EIF3L: variants seen among roughly 807,000 people sequenced by gnomAD.
EIF3L encodes eukaryotic translation initiation factor 3 subunit L, also known as eIEF associated protein HSPC021.
A neutral mutation model predicts 74.6 loss-of-function variants in EIF3L; 32 were observed. That is an observed-to-expected ratio of 0.43 (90% confidence interval 0.32 to 0.58). The LOEUF (loss-of-function observed/expected upper bound fraction) is 0.58, where lower values mean the gene tolerates loss of function less well. Among genes scored for constraint, EIF3L ranks in the 20% least tolerant of loss-of-function variants. The pLI, the probability that EIF3L is intolerant of heterozygous loss-of-function variation, is 0.06. For missense variants in EIF3L, 474 were observed against 707.8 expected, an observed-to-expected ratio of 0.67 and a Z score of 3.75; for synonymous variants, 256 against 254.4, an observed-to-expected ratio of 1.01 and a Z score of -0.06.
intron 4 of EIF3L, among the ~76,000 whole-genome samples, chr22:37,856,166 TC>T (rs1423134608): frequency 6.6e-6 from 1 of 152,048 alleles, no homozygotes; most frequent in African/African-American, 2.4e-5. Flanking sequence ...CAAGCGATTC[TC>T]CTAGGTTCAA....
At chr22:37,872,324 A>G (rs1601772983) in intron 8 of EIF3L, among the ~76,000 whole-genome samples, 1 of 152,220 alleles carries the variant, frequency 6.6e-6, no homozygotes, top group African/African-American at 2.4e-5. Context: ...GAGTTTGACC[A>G]TGTTGGCCAG....
At chr22:37,855,460 T>G (rs959080868) in intron 3 of EIF3L, 105 bp from the exon 4 acceptor site, 2 of 1,002,310 alleles carry the variant, frequency 2.0e-6, no homozygotes, top group African/African-American at 3.2e-5. Context: ...GCTCTGTTTA[T>G]TTGACATCTT....
chr22:37,855,415 G>A, intron 3 of EIF3L, 150 bp from the exon 4 acceptor site: 1 of 628,934 alleles, frequency 1.6e-6, no homozygotes, highest in East Asian at 2.7e-5. Context: ...GAGTTGGGTT[G>A]AGGACAGTTG....
chr22:37,851,588 G>A (rs751341416), intron 3 of EIF3L, 98 bp downstream of exon 3: 3 of 738,884 alleles, frequency 4.1e-6, no homozygotes, highest in South Asian at 1.7e-5. Context: ...CAGTACTTTC[G>A]GGGGGGTTGG....
chr22:37,875,963 C>T lies in EIF3L; in HGVS notation c.1029C>T (p.Ile343=), dbSNP rs868156961. 8.7e-6 allele frequency: 14 copies of T among 1,614,096 alleles called. No individual in the cohort carries two copies. In the Middle Eastern group the frequency reaches 2.3e-3, roughly 266 times the overall value. Residue 343 remains isoleucine (I), a synonymous_variant, in exon 10 of 13, where the codon ATC becomes ATT. Transcript: ENST00000652021. ...IRVFANILLY[I]QRTKSMFQRT... ...TCTTCGCCAACATCCTCCTCTACAT[C>T]CAGAGGACCAAGAGCATGTTCCAGA...
intron 4 of EIF3L, among the ~76,000 whole-genome samples, chr22:37,856,408 A>G (rs1925509305): frequency 1.3e-5 from 2 of 152,112 alleles, no homozygotes; most frequent in African/African-American, 2.4e-5. Context: ...TTTTTTGTAG[A>G]TACCGGGTCA....
At chr22:37,866,915 A>G (rs1023423805) in intron 7 of EIF3L, among the ~76,000 whole-genome samples, 5 of 152,244 alleles carry the variant, frequency 3.3e-5, no homozygotes, top group African/African-American at 1.2e-4. Context: ...ACAGTGCCAC[A>G]ATCAAGATAA....
chr22:37,887,176 C>A, intron 12 of EIF3L: 1 of 205,770 alleles, frequency 4.9e-6, no homozygotes, highest in South Asian at 6.0e-5. Context: ...TGATCCAGTC[C>A]GTCTCAGCTT....
chr22:37,870,197 C>T lies in EIF3L; in HGVS notation c.601C>T (p.Arg201Cys), dbSNP rs763139923. Residue 201 changes from arginine (R) to cysteine (C), a missense_variant, in exon 8 of 13, where the codon CGC becomes TGC. This residue lies in a region of EIF3L where 293 missense variants were observed against 469.1 expected (regional missense o/e 0.62). Transcript: ENST00000652021. ...ACAGTTTCAGTCATTCAGTCAGTAC[C>T]GCTGTAAGACTGCCAAGAAGTCAGA... is the stretch of plus-strand genomic sequence containing the variant. ...IYQFQSFSQY[R>C]CKTAKKSEEE... 5 of 1,610,192 alleles carry T rather than the reference C, an allele frequency of 3.1e-6. No homozygotes were observed. Among genetic ancestry groups the T allele is most frequent in the East Asian group, 2.2e-5 (1 of 44,824 alleles).
In EIF3L at chr22:37,877,745, T is replaced by C; in HGVS notation, c.1149T>C (p.Asp383=). The change falls in exon 11 of 13, where the codon GAT becomes GAC. Residue 383 remains aspartate (D), a synonymous_variant. Coordinates refer to ENST00000652021, the MANE Select transcript of EIF3L (RefSeq NM_016091.4). ...IALTMYPMRI[D]ESIHLQLREK... is the part of the protein sequence containing the mutation. ...TCACGATGTACCCCATGCGTATTGA[T>C]GAGAGCATTCACCTCCAGCTGCGGG... 6.2e-7 allele frequency: 1 copy of C among 1,613,770 alleles called. No homozygotes were observed. Among genetic ancestry groups the C allele is most frequent in the Non-Finnish European group, 8.5e-7 (1 of 1,179,822 alleles).
intron 5 of EIF3L, among the ~76,000 whole-genome samples, chr22:37,862,460 T>C (rs1925908442): frequency 6.6e-6 from 1 of 152,188 alleles, no homozygotes; most frequent in African/African-American, 2.4e-5. Context: ...TTATCAACAA[T>C]ATGTAATGAG....
At chr22:37,879,517 A>G (rs1390668970) in intron 11 of EIF3L, 1 of 152,110 alleles carries the variant, frequency 6.6e-6, no homozygotes, top group Admixed American at 6.6e-5. Context: ...ATAGCTCACC[A>G]GATATCTGGA....
At chr22:37,869,348 C>T (rs1176982209) in intron 7 of EIF3L, among the ~76,000 whole-genome samples, 3 of 151,912 alleles carry the variant, frequency 2.0e-5, no homozygotes, top group Non-Finnish European at 4.4e-5. Flanking sequence ...CCAGGCTGGT[C>T]TTGAGCTCCT....
intron 9 of EIF3L, among the ~76,000 whole-genome samples, chr22:37,875,639 C>G (rs533437309): frequency 6.6e-6 from 1 of 152,302 alleles, no homozygotes; most frequent in Admixed American, 6.5e-5. Flanking sequence ...CCAGAACCTT[C>G]TTGTTTACAG....
At chr22:37,864,871 G>A (rs1601765162) in intron 7 of EIF3L, among the ~76,000 whole-genome samples, 1 of 152,130 alleles carries the variant, frequency 6.6e-6, no homozygotes, top group East Asian at 1.9e-4. Context: ...AACATGTTCT[G>A]TTGTGGGCAC....
chr22:37,855,860 A>G (rs1283349199), intron 4 of EIF3L, among the ~76,000 whole-genome samples: 1 of 152,102 alleles, frequency 6.6e-6, no homozygotes, highest in Non-Finnish European at 1.5e-5. Flanking sequence ...AGATCTTTGT[A>G]CTGACTTGTT....
chr22:37,871,871 GGAAAAAAAAAAA>G, intron 8 of EIF3L, among the ~76,000 whole-genome samples: 1 of 111,612 alleles, frequency 9.0e-6, no homozygotes, highest in South Asian at 3.4e-4. Flanking sequence ...TCTGTCTCGG[GGAAAAAAAAAAA>G]AAAAAAAAAG....
At chr22:37,879,571 G>A (rs1926938357) in intron 11 of EIF3L, 2 of 152,098 alleles carry the variant, frequency 1.3e-5, no homozygotes, top group African/African-American at 4.8e-5. Flanking sequence ...CAAAGGCCCC[G>A]AAGAGGAGTG....
rs150685923 is a variant in EIF3L at position 37,886,550 on chromosome 22, C to T, written c.1576-215C>T. The T allele has an allele frequency of 1.9e-5, 6 of 318,810 alleles. No individual in the cohort carries two copies. In the East Asian group the frequency reaches 3.3e-4, roughly 18 times the overall value. 19.7% of individuals were successfully genotyped at this position (318,810 alleles called of 1,614,324 possible). A position where few individuals can be genotyped will look rare whatever the true frequency, so the allele number is the denominator to read the frequency against. On this transcript the variant is annotated intron_variant, in intron 11 of 12. Transcript: ENST00000652021. ...TGCCATTGCACTCCAGCCTGGGCGA[C>T]GAGCAAAACTCCATCTCAAAAAAAA...
Sources: gnomAD v4.1 joint callset for allele counts (sites outside exome capture counted in the v4.1 genomes callset) on GRCh38, gnomAD v4.1.1 for gene constraint, gnomAD v4.1.1 regional missense constraint, MANE v1.5 for transcripts, NCBI Gene and HGNC (gene_info 2026-07-23, HGNC 2026-07-21) for gene names.